LCORL: variants seen among roughly 807,000 people sequenced by gnomAD.
The protein encoded by LCORL is ligand-dependent nuclear receptor corepressor-like protein.
Under a neutral mutation model 141.8 loss-of-function variants are expected in LCORL, and 41 were observed. The ratio of observed to expected loss-of-function variants is 0.29; its 90% CI spans 0.23 to 0.38. LCORL has a LOEUF of 0.38. Ranked by LOEUF, LCORL falls within the 10% of genes least tolerant of loss-of-function variation. The pLI is 1.00. For synonymous variants in LCORL, 618 were observed against 694.1 expected, an observed-to-expected ratio of 0.89 and a Z score of 1.72; for missense variants, 1,759 against 2,035.0, an observed-to-expected ratio of 0.86 and a Z score of 2.61.
At chr4:17,997,244 A>G (rs1721058033) in intron 1 of LCORL, among the ~76,000 whole-genome samples, 1 of 152,152 alleles carries the variant, frequency 6.6e-6, no homozygotes, top group Admixed American at 6.5e-5. Flanking sequence ...GCCTTCTCCA[A>G]TCTTACTTGT....
intron 4 of LCORL, among the ~76,000 whole-genome samples, chr4:17,940,437 T>C (rs1181761828): frequency 6.8e-6 from 1 of 147,810 alleles, no homozygotes; most frequent in African/African-American, 2.5e-5. Context: ...ATTACTATAA[T>C]ATAGTAATAT....
At chr4:17,898,981 T>C (rs1730433865) in intron 5 of LCORL, among the ~76,000 whole-genome samples, 1 of 152,200 alleles carries the variant, frequency 6.6e-6, no homozygotes, top group Non-Finnish European at 1.5e-5. Context: ...ACAAACAGGG[T>C]ATATAGCTAA....
chr4:17,910,587 T>C (rs1181366511), intron 4 of LCORL, among the ~76,000 whole-genome samples: 1 of 152,142 alleles, frequency 6.6e-6, no homozygotes, highest in African/African-American at 2.4e-5. Context: ...TCTAAAAGAC[T>C]TAAAGAGAAG....
At chr4:17,992,506 C>T (rs1175234040) in intron 1 of LCORL, among the ~76,000 whole-genome samples, 1 of 152,168 alleles carries the variant, frequency 6.6e-6, no homozygotes, top group Non-Finnish European at 1.5e-5. Context: ...AATGAAAATA[C>T]GTCTGATTTC....
At chr4:18,014,280 G>C (rs1314976183) in intron 1 of LCORL, among the ~76,000 whole-genome samples, 1 of 152,036 alleles carries the variant, frequency 6.6e-6, no homozygotes, top group Non-Finnish European at 1.5e-5. Context: ...TGACCAACTA[G>C]ATAAACATGG....
At chr4:17,999,466 AAG>A (rs1333837362) in intron 1 of LCORL, among the ~76,000 whole-genome samples, 1 of 151,944 alleles carries the variant, frequency 6.6e-6, no homozygotes, top group African/African-American at 2.4e-5. Flanking sequence ...AAAAAAAAAA[AAG>A]AACAGGATGT....
chr4:17,918,640 G>A (rs1395240377), intron 4 of LCORL, among the ~76,000 whole-genome samples: 1 of 152,188 alleles, frequency 6.6e-6, no homozygotes, highest in African/African-American at 2.4e-5. Flanking sequence ...AACATAGGCA[G>A]GTTGAGATCA....
intron 4 of LCORL, chr4:17,912,198 G>A: frequency 1.2e-6 from 1 of 826,094 alleles, no homozygotes; most frequent in Non-Finnish European, 2.1e-6. Context: ...TTAGAGTCAA[G>A]TATGAGACAA....
At chr4:17,873,957 T>C (rs1189372852) in exon 7 of LCORL, 1 of 1,233,988 alleles carries the variant, frequency 8.1e-7, no homozygotes, top group African/African-American at 1.6e-5. Flanking sequence ...TATTTTGAAG[T>C]CAGGCATTAC....
At chr4:17,978,422 C>T (rs976229201) in intron 1 of LCORL, among the ~76,000 whole-genome samples, 9 of 151,928 alleles carry the variant, frequency 5.9e-5, no homozygotes, top group Admixed American at 1.3e-4. Flanking sequence ...CAAAGCAAGA[C>T]CCCTTCTCTA....
intron 4 of LCORL, among the ~76,000 whole-genome samples, chr4:17,941,769 A>C (rs1219348650): frequency 7.2e-5 from 11 of 152,192 alleles, no homozygotes; most frequent in Non-Finnish European, 1.5e-4. Flanking sequence ...CCCAATGTTC[A>C]TATTTCTCTG....
At chr4:17,860,288 G>A (rs1724854525) in intron 7 of LCORL, among the ~76,000 whole-genome samples, 3 of 152,234 alleles carry the variant, frequency 2.0e-5, no homozygotes. Context: ...ACAAAGGAAA[G>A]AGGCTTAATG....
chr4:17,897,705 G>A (rs1730207598), intron 5 of LCORL, among the ~76,000 whole-genome samples: 1 of 152,034 alleles, frequency 6.6e-6, no homozygotes. Context: ...TTCTACTGAT[G>A]ATCAAATATT....
At chr4:17,996,624 A>C (rs1245277959) in intron 1 of LCORL, among the ~76,000 whole-genome samples, 1 of 152,108 alleles carries the variant, frequency 6.6e-6, no homozygotes, top group Non-Finnish European at 1.5e-5. Flanking sequence ...TTTAAATGCA[A>C]GGTAGTTGAA....
At chr4:17,947,819 T>C (rs1739124200) in intron 4 of LCORL, among the ~76,000 whole-genome samples, 1 of 151,976 alleles carries the variant, frequency 6.6e-6, no homozygotes, top group African/African-American at 2.4e-5. Context: ...TTATCCTCTC[T>C]TTTTGGCAAA....
In LCORL at chr4:17,978,589, A is replaced by AG. The variant is rs1471915117; in HGVS notation, c.155-5705_155-5704insC. On this transcript the variant is annotated intron_variant, in intron 1 of 7. Coordinates refer to ENST00000635767, the Ensembl canonical transcript of LCORL. Reference sequence around the variant, plus strand: ...AGCAAGACCTTGTCTCAAAAAAAAAAAAAAAAGTTTAGCTTTCTTGGCTTC... The same window carrying AG: ...AGCAAGACCTTGTCTCAAAAAAAAAAGAAAAAAGTTTAGCTTTCTTGGCTTC... Among the ~76,000 whole-genome samples, 3 of 152,130 alleles carry AG rather than the reference A, an allele frequency of 2.0e-5. No individual in the cohort carries two copies. The East Asian group carries it at 5.8e-4, about 29-fold the overall frequency.
chr4:17,875,126 T>C, exon 7 of LCORL: 1 of 1,233,332 alleles, frequency 8.1e-7, no homozygotes, highest in Non-Finnish European at 1.0e-6. Context: ...GCAGATTTTT[T>C]CCTGACGTAT....
rs372510758 is a variant in LCORL, at chr4:17,931,357, C to G, written c.431-22012G>C. On this transcript the variant is annotated intron_variant, in intron 4 of 7. Transcript: ENST00000635767. ...TGCTTTAATCTTTATTATTTCCTTC[C>G]TTGTTCTTTATTCGGATTTACTTTG... Among the ~76,000 whole-genome samples, 10 of 151,606 alleles carry G rather than the reference C, an allele frequency of 6.6e-5. No homozygotes were observed. The South Asian group carries it at 8.3e-4, about 13-fold the overall frequency.
intron 2 of LCORL, among the ~76,000 whole-genome samples, chr4:17,964,316 T>C (rs918382641): frequency 6.6e-6 from 1 of 152,126 alleles, no homozygotes; most frequent in Non-Finnish European, 1.5e-5. Flanking sequence ...GTTGTTTTAA[T>C]TACCTTGTAT....
Sources: gnomAD v4.1 joint callset for allele counts (sites outside exome capture counted in the v4.1 genomes callset) on GRCh38, gnomAD v4.1.1 for gene constraint, MANE v1.5 for transcripts, NCBI Gene and HGNC (gene_info 2026-07-23, HGNC 2026-07-21) for gene names.